The following PEAK1 variants were observed in gnomAD, a reference collection of about 807,000 sequenced individuals.
PEAK1 encodes pseudopodium enriched atypical kinase 1.
Under a neutral mutation model 124.7 loss-of-function variants are expected in PEAK1, and 54 were observed. The observed-to-expected ratio is 0.43, with a 90% confidence interval of 0.35 to 0.54. The LOEUF is 0.54. Ranked by LOEUF, PEAK1 falls within the 20% of genes least tolerant of loss-of-function variation. PEAK1 has a pLI of 0.01. For synonymous variants in PEAK1, 719 were observed against 760.0 expected (o/e 0.95, Z 0.89); for missense variants, 2,046 against 2,134.5 (o/e 0.96, Z 0.82).
chr15:77,412,754 G>C (rs2072517793), intron 1 of PEAK1, among the ~76,000 whole-genome samples: 1 of 151,952 alleles, frequency 6.6e-6, no homozygotes, highest in South Asian at 2.1e-4. Context: ...AGGTTCCTTA[G>C]AGAAATAATT....
chr15:77,220,272 T>C (rs1236322308), intron 6 of PEAK1, among the ~76,000 whole-genome samples: 2 of 152,170 alleles, frequency 1.3e-5, no homozygotes, highest in South Asian at 2.1e-4. Flanking sequence ...GTACTATGCA[T>C]TGAGGTTTGA....
rs181213135 is a variant in PEAK1 at position 77,404,050 on chromosome 15, G to C, written c.-666+15956C>G. On this transcript the variant is annotated intron_variant, in intron 1 of 9. Transcript: ENST00000682557. ...GTTAAAAACAGAACTTTAGAATATA[G>C]AATCAATTTTACTGACCATTCTGAG... 6 of 983,662 alleles carry C rather than the reference G, an allele frequency of 6.1e-6. No individual in the cohort carries two copies. The Admixed American group carries it at 3.1e-4, about 50-fold the overall frequency. The allele number at this position is 983,662 out of a possible 1,614,324, so 60.9% of individuals were successfully genotyped here.
At chr15:77,414,206 T>TTCCTTC (rs777952676) in intron 1 of PEAK1, among the ~76,000 whole-genome samples, 1 of 135,488 alleles carries the variant, frequency 7.4e-6, no homozygotes, top group Non-Finnish European at 1.6e-5. Context: ...CTTCTTTCCT[T>TTCCTTC]CTTTTTTTTT....
At chr15:77,168,891 C>T (rs2056313141) in intron 7 of PEAK1, among the ~76,000 whole-genome samples, 1 of 152,186 alleles carries the variant, frequency 6.6e-6, no homozygotes, top group Non-Finnish European at 1.5e-5. Context: ...AAACGACTTA[C>T]ATCGTATCCC....
chr15:77,174,370 G>A (rs578136060), intron 7 of PEAK1, among the ~76,000 whole-genome samples: 188 of 152,146 alleles, frequency 1.2e-3, no homozygotes, highest in Non-Finnish European at 2.2e-3. Context: ...TCTTTCAGCA[G>A]TGAGCTCCCA....
At chr15:77,415,353 A>C (rs989430431) in intron 1 of PEAK1, among the ~76,000 whole-genome samples, 2 of 152,212 alleles carry the variant, frequency 1.3e-5, no homozygotes, top group African/African-American at 4.8e-5. Context: ...TACAAAGAGT[A>C]TGTATAAACT....
chr15:77,156,340 G>A (rs1223158652), intron 8 of PEAK1: 1 of 152,470 alleles, frequency 6.6e-6, no homozygotes, highest in Non-Finnish European at 1.5e-5. Context: ...CGTTTTTTAA[G>A]CCCGTTGGAA....
intron 5 of PEAK1, among the ~76,000 whole-genome samples, chr15:77,262,923 C>A (rs1461263004): frequency 6.6e-6 from 1 of 152,178 alleles, no homozygotes; most frequent in Non-Finnish European, 1.5e-5. Flanking sequence ...ACAGTACAAT[C>A]AAACTAGAAC....
chr15:77,284,365 G>A (rs1317702320), intron 4 of PEAK1, among the ~76,000 whole-genome samples: 1 of 152,142 alleles, frequency 6.6e-6, no homozygotes, highest in Non-Finnish European at 1.5e-5. Flanking sequence ...TAGGATAACT[G>A]TATTACTGTA....
In PEAK1 at chr15:77,324,447, C is replaced by T. The variant is rs550150192; in HGVS notation, c.-602-37943G>A. Among the ~76,000 whole-genome samples the T allele has an allele frequency of 6.6e-5, 10 of 152,100 alleles. No homozygotes were observed. The South Asian group carries it at 1.7e-3, about 25-fold the overall frequency. On this transcript the variant is annotated intron_variant, in intron 2 of 9. Coordinates refer to ENST00000682557, the MANE Select transcript of PEAK1 (RefSeq NM_001385026.1). ...TGTGAGCTGAGATCACACCACTGGG[C>T]GACAGAGTGAGACTCTGTCCCAAAA...
At chr15:77,195,751 T>C (rs2058070266) in intron 6 of PEAK1, among the ~76,000 whole-genome samples, 1 of 152,204 alleles carries the variant, frequency 6.6e-6, no homozygotes, top group Non-Finnish European at 1.5e-5. Flanking sequence ...TCTCACTAAG[T>C]ACCAGATGGT....
intron 6 of PEAK1, among the ~76,000 whole-genome samples, chr15:77,195,360 C>T (rs991149794): frequency 6.6e-6 from 1 of 151,432 alleles, no homozygotes; most frequent in Non-Finnish European, 1.5e-5. Context: ...GACTGGAAAA[C>T]GATGAGGTGG....
chr15:77,317,869 G>C (rs932410081), intron 2 of PEAK1, among the ~76,000 whole-genome samples: 1 of 152,114 alleles, frequency 6.6e-6, no homozygotes, highest in Non-Finnish European at 1.5e-5. Flanking sequence ...ATTGATATAC[G>C]TAACAATTTG....
chr15:77,400,872 T>C (rs1245761872), intron 1 of PEAK1, among the ~76,000 whole-genome samples: 1 of 152,144 alleles, frequency 6.6e-6, no homozygotes, highest in Non-Finnish European at 1.5e-5. Context: ...TTGTTTGAAT[T>C]TTTCTGAGAT....
At chr15:77,116,888 T>C (rs1003256615) in intron 9 of PEAK1, among the ~76,000 whole-genome samples, 1 of 152,226 alleles carries the variant, frequency 6.6e-6, no homozygotes, top group Non-Finnish European at 1.5e-5. Context: ...TTCAAACATA[T>C]ATCTTTCAGA....
intron 8 of PEAK1, among the ~76,000 whole-genome samples, chr15:77,142,702 C>G (rs1041043247): frequency 6.6e-6 from 1 of 152,112 alleles, no homozygotes; most frequent in African/African-American, 2.4e-5. Context: ...ACCTTGAAAA[C>G]ATTATGCTAA....
At chr15:77,127,786 T>C (rs990616152) in intron 9 of PEAK1, among the ~76,000 whole-genome samples, 1 of 152,118 alleles carries the variant, frequency 6.6e-6, no homozygotes, top group African/African-American at 2.4e-5. Flanking sequence ...ATCCATACTG[T>C]GAAAACGGTG....
intron 2 of PEAK1, chr15:77,335,526 T>C: frequency 2.0e-6 from 2 of 978,154 alleles, no homozygotes; most frequent in Non-Finnish European, 2.4e-6. Context: ...GTTGCCCAGG[T>C]TGGATCACAG....
rs114917509 is a variant in PEAK1 at position 77,212,233 on chromosome 15, G to A, written c.-114-30193C>T. Among the ~76,000 whole-genome samples, 815 of 152,300 alleles carry A rather than the reference G, an allele frequency of 5.4e-3. 11 individuals are homozygous for A. Among genetic ancestry groups the A allele is most frequent in the African/African-American group, 0.017 (699 of 41,556 alleles). ...CTATTAAAGCCATTAGGGTGCCTAA[G>A]CTGGGAATTCAGCCCAGGTTTTTTA... On this transcript the variant is annotated intron_variant, in intron 6 of 9. Transcript: ENST00000682557.
Sources: allele counts gnomAD v4.1 joint callset (sites outside exome capture counted in the v4.1 genomes callset), GRCh38; gene constraint gnomAD v4.1.1; transcripts MANE v1.5; gene names NCBI Gene and HGNC (gene_info 2026-07-23, HGNC 2026-07-21).